ZNF385B: variants seen among roughly 807,000 people sequenced by gnomAD.
ZNF385B encodes the protein zinc finger protein 385B.
In ZNF385B, 23 loss-of-function variants were observed where a neutral mutation model predicts 39.2. The ratio of observed to expected loss-of-function variants is 0.59; its 90% CI spans 0.42 to 0.83. The LOEUF (loss-of-function observed/expected upper bound fraction) is 0.83, where lower values mean the gene tolerates loss of function less well. Ranked by LOEUF, ZNF385B falls within the 40% of genes least tolerant of loss-of-function variation. The pLI is 0.00. For synonymous variants in ZNF385B, 205 were observed against 222.6 expected (o/e 0.92, Z 0.70); for missense variants, 552 against 598.9 (o/e 0.92, Z 0.82).
At chr2:179,519,077 C>T (rs1278372416) in intron 4 of ZNF385B, among the ~76,000 whole-genome samples, 1 of 152,174 alleles carries the variant, frequency 6.6e-6, no homozygotes, top group Non-Finnish European at 1.5e-5. Context: ...ACCTCCTGAG[C>T]TCAAGTGATC....
At chr2:179,586,914 C>T (rs1049003769) in intron 3 of ZNF385B, among the ~76,000 whole-genome samples, 3 of 152,056 alleles carry the variant, frequency 2.0e-5, no homozygotes, top group Non-Finnish European at 4.4e-5. Context: ...TGGCACGTGC[C>T]TGTAGTCCCA....
chr2:179,573,536 ATTTG>A (rs1239919127), intron 3 of ZNF385B, among the ~76,000 whole-genome samples: 4 of 152,238 alleles, frequency 2.6e-5, no homozygotes, highest in Non-Finnish European at 4.4e-5. Context: ...ATTGATGAAT[ATTTG>A]TTTGTTTTAT....
intron 5 of ZNF385B, among the ~76,000 whole-genome samples, chr2:179,501,423 G>T (rs374756613): frequency 6.6e-6 from 1 of 152,044 alleles, no homozygotes; most frequent in African/African-American, 2.4e-5. Flanking sequence ...AAAGAATAAG[G>T]CCCAGTCATT....
At chr2:179,849,775 C>T (rs192011609) in intron 1 of ZNF385B, among the ~76,000 whole-genome samples, 2 of 152,274 alleles carry the variant, frequency 1.3e-5, no homozygotes, top group African/African-American at 2.4e-5. Context: ...AAGGGGTCTG[C>T]CCTCAATTAG....
At chr2:179,786,464 C>A (rs1255280101) in intron 1 of ZNF385B, among the ~76,000 whole-genome samples, 2 of 152,002 alleles carry the variant, frequency 1.3e-5, no homozygotes, top group Admixed American at 1.3e-4. Context: ...ATCATAAGAA[C>A]AACAAAATAC....
At chr2:179,619,819 T>TA (rs562563082) in intron 3 of ZNF385B, among the ~76,000 whole-genome samples, 1 of 152,162 alleles carries the variant, frequency 6.6e-6, no homozygotes, top group Non-Finnish European at 1.5e-5. Context: ...AGAAAATAAA[T>TA]AAAAGTCACA....
chr2:179,454,854 A>G (rs780277840), intron 6 of ZNF385B, among the ~76,000 whole-genome samples: 3 of 152,250 alleles, frequency 2.0e-5, no homozygotes, highest in Non-Finnish European at 2.9e-5. Flanking sequence ...TTATTACAAA[A>G]AAGTCAAAAG....
At chr2:179,592,180 T>C (rs1467244342) in intron 3 of ZNF385B, among the ~76,000 whole-genome samples, 2 of 152,140 alleles carry the variant, frequency 1.3e-5, no homozygotes, top group Admixed American at 6.5e-5. Flanking sequence ...CCCTTTACAC[T>C]GTCTTCCAGA....
chr2:179,479,019 T>G (rs2053710318), intron 6 of ZNF385B, among the ~76,000 whole-genome samples: 1 of 152,164 alleles, frequency 6.6e-6, no homozygotes, highest in Non-Finnish European at 1.5e-5. Context: ...TTGACCCCAA[T>G]TCTCCCAAAG....
At chr2:179,653,386 T>A (rs1398719535) in intron 3 of ZNF385B, among the ~76,000 whole-genome samples, 2 of 152,156 alleles carry the variant, frequency 1.3e-5, no homozygotes, top group Non-Finnish European at 2.9e-5. Context: ...GAAGAACAGC[T>A]CTTGTTGAGT....
intron 6 of ZNF385B, among the ~76,000 whole-genome samples, chr2:179,449,851 A>G (rs1466720114): frequency 2.0e-5 from 3 of 152,096 alleles, no homozygotes; most frequent in Non-Finnish European, 2.9e-5. Flanking sequence ...ACTTCAAACT[A>G]TACCACAAGG....
At chr2:179,658,649 T>C (rs920772643) in intron 3 of ZNF385B, among the ~76,000 whole-genome samples, 1 of 152,204 alleles carries the variant, frequency 6.6e-6, no homozygotes, top group Non-Finnish European at 1.5e-5. Flanking sequence ...ATTATAGACT[T>C]TCTCTGTGCA....
Position 179,754,247 on chromosome 2 carries a change from A to G in ZNF385B, c.298+15256T>C, listed in dbSNP as rs553623962. 5.3e-5 allele frequency among the ~76,000 whole-genome samples: 8 copies of G among 152,246 alleles called. No homozygotes were observed. The East Asian group carries it at 1.5e-3, about 29-fold the overall frequency. On this transcript the variant is annotated intron_variant, in intron 3 of 9. Transcript: ENST00000410066. ...TGCTGTATTACATTTATTGATTTGC[A>G]TATGTTGAACCAGCCTTGCATCCCA...
chr2:179,747,197 T>C (rs927085333), intron 3 of ZNF385B, among the ~76,000 whole-genome samples: 1 of 152,108 alleles, frequency 6.6e-6, no homozygotes, highest in Non-Finnish European at 1.5e-5. Flanking sequence ...AGCACACATT[T>C]ACGTAACACA....
Position 179,537,130 on chromosome 2 carries a change from G to A in ZNF385B, c.441+7697C>T, listed in dbSNP as rs181480654. Among the ~76,000 whole-genome samples the A allele has an allele frequency of 2.7e-3, 413 of 151,818 alleles. 1 individual carries two copies. The highest frequency in any genetic ancestry group is 9.1e-3 in the African/African-American group (377 of 41,412). On this transcript the variant is annotated intron_variant, in intron 4 of 9. Transcript: ENST00000410066. ...GTTCGAGACAAGCCTGATGAACATG[G>A]AGAAACCCTGTCTCTACTAAAAATA...
At chr2:179,745,717 G>A in intron 3 of ZNF385B, 2 of 1,542,740 alleles carry the variant, frequency 1.3e-6, no homozygotes, top group South Asian at 2.4e-5. Flanking sequence ...GCTCACCTCT[G>A]CTAGGAAGTC....
intron 6 of ZNF385B, among the ~76,000 whole-genome samples, chr2:179,447,301 C>T (rs1314586310): frequency 5.3e-5 from 8 of 152,148 alleles, no homozygotes; most frequent in Admixed American, 5.2e-4. Context: ...TTTTGCTGCT[C>T]TGTGGATGGC....
chr2:179,809,085 TG>T (rs1706572622), intron 1 of ZNF385B, among the ~76,000 whole-genome samples: 1 of 152,220 alleles, frequency 6.6e-6, no homozygotes, highest in Non-Finnish European at 1.5e-5. Context: ...CTATGATTAC[TG>T]CCTCTAGAAT....
chr2:179,581,197 CTG>C (rs1246065620), intron 3 of ZNF385B, among the ~76,000 whole-genome samples: 1 of 152,160 alleles, frequency 6.6e-6, no homozygotes, highest in Non-Finnish European at 1.5e-5. Flanking sequence ...GAATTTACAA[CTG>C]TGCAACAAAA....
Sources: gnomAD v4.1 joint callset for allele counts (sites outside exome capture counted in the v4.1 genomes callset) on GRCh38, gnomAD v4.1.1 for gene constraint, MANE v1.5 for transcripts, NCBI Gene and HGNC (gene_info 2026-07-23, HGNC 2026-07-21) for gene names.